WWTR1: variants seen among roughly 807,000 people sequenced by gnomAD.
WWTR1 encodes WW domain-containing transcription regulator protein 1.
WWTR1 carries 13 observed loss-of-function variants against 40.1 expected under a neutral mutation model. The ratio of observed to expected loss-of-function variants is 0.32; its 90% CI spans 0.21 to 0.52. The LOEUF (loss-of-function observed/expected upper bound fraction) is 0.52. Ranked by LOEUF, WWTR1 falls within the 20% of genes least tolerant of loss-of-function variation. WWTR1 has a pLI of 0.97. For synonymous variants in WWTR1, 230 were observed against 210.1 expected (o/e 1.09, Z -0.82); for missense variants, 436 against 523.1 (o/e 0.83, Z 1.63).
At chr3:149,665,029 T>C (rs1053105842) in intron 2 of WWTR1, among the ~76,000 whole-genome samples, 13 of 152,180 alleles carry the variant, frequency 8.5e-5, no homozygotes. Flanking sequence ...TGCTATCATT[T>C]TGGGGCAAGG....
intron 2 of WWTR1, among the ~76,000 whole-genome samples, chr3:149,641,067 T>G (rs1712144268): frequency 6.6e-6 from 1 of 152,104 alleles, no homozygotes; most frequent in African/African-American, 2.4e-5. Context: ...GCATTCGATA[T>G]TATTTATTAT....
chr3:149,669,129 T>C (rs1713964564), intron 2 of WWTR1, among the ~76,000 whole-genome samples: 1 of 152,176 alleles, frequency 6.6e-6, no homozygotes, highest in Non-Finnish European at 1.5e-5. Flanking sequence ...GGTTTTGTTT[T>C]TGTGGAACAA....
chr3:149,550,919 GTT>G lies in WWTR1; in HGVS notation c.569-8384_569-8383del, dbSNP rs112937949. Among the ~76,000 whole-genome samples, 2 of 138,248 alleles carry G rather than the reference GTT, an allele frequency of 1.4e-5. 1 individual carries two copies. Among genetic ancestry groups the G allele is most frequent in the Non-Finnish European group, 3.1e-5 (2 of 63,850 alleles). 90.7% of individuals were successfully genotyped at this position (138,248 alleles called of 152,430 possible). ...TATATTCCAAATTATCTATCTTTTA[GTT>G]TTTTTTTTTCTTTAAAAAGCTTGCT... On this transcript the variant is annotated intron_variant, in intron 3 of 6. Transcript: ENST00000360632.
chr3:149,536,219 A>G (rs1272648611), intron 4 of WWTR1, among the ~76,000 whole-genome samples: 1 of 152,156 alleles, frequency 6.6e-6, no homozygotes, highest in Non-Finnish European at 1.5e-5. Context: ...AGCATTTGTA[A>G]AACAAATATA....
Position 149,517,964 on chromosome 3 carries a change from A to C in WWTR1, c.*2841T>G, listed in dbSNP as rs1734865894. 6.6e-6 allele frequency: 1 copy of C among 152,180 alleles called. No homozygotes were observed. Among genetic ancestry groups the C allele is most frequent in the Admixed American group, 6.5e-5 (1 of 15,274 alleles). The allele number at this position is 152,180 out of a possible 1,614,324, so 9.4% of individuals were successfully genotyped here. On this transcript the variant is annotated 3_prime_UTR_variant, in exon 7 of 7. Transcript: ENST00000360632. ...AAAAGACTAGTACTAAGAAGACTAA[A>C]GACAGTTATCTTATAATAAGAAATA...
intron 2 of WWTR1, among the ~76,000 whole-genome samples, chr3:149,601,442 C>A (rs1290469748): frequency 6.6e-6 from 1 of 152,226 alleles, no homozygotes; most frequent in Non-Finnish European, 1.5e-5. Context: ...AAGTGATCCA[C>A]CTGCCTCAGC....
chr3:149,652,130 A>C (rs1374935018), intron 2 of WWTR1, among the ~76,000 whole-genome samples: 1 of 151,106 alleles, frequency 6.6e-6, no homozygotes, highest in Non-Finnish European at 1.5e-5. Flanking sequence ...GGCATGAGCC[A>C]CTGCGCCCGG....
At chr3:149,710,466 C>G (rs1465438410) in intron 5 of WWTR1, among the ~76,000 whole-genome samples, 1 of 149,844 alleles carries the variant, frequency 6.7e-6, no homozygotes, top group African/African-American at 2.5e-5. Context: ...CTTTGGTTTT[C>G]TCATGTGTAA....
intron 3 of WWTR1, among the ~76,000 whole-genome samples, chr3:149,568,156 T>C (rs1737421586): frequency 6.6e-6 from 1 of 152,044 alleles, no homozygotes; most frequent in Non-Finnish European, 1.5e-5. Flanking sequence ...GAGGCTGAGA[T>C]GGGCGGATTG....
intron 1 of WWTR1, chr3:149,701,759 G>A (rs1043583017): frequency 4.6e-5 from 8 of 173,654 alleles, no homozygotes; most frequent in African/African-American, 1.4e-4. Context: ...AAGTTGAAGC[G>A]CTCTCAGATG....
chr3:149,701,778 G>A (rs1236154240), intron 1 of WWTR1: 1 of 173,900 alleles, frequency 5.8e-6, no homozygotes, highest in African/African-American at 2.4e-5. Flanking sequence ...TGTTTGGGGG[G>A]AAACATCCTC....
At chr3:149,724,245 G>A (rs1362206705) in intron 3 of WWTR1, 2 of 152,038 alleles carry the variant, frequency 1.3e-5, no homozygotes, top group African/African-American at 4.8e-5. Context: ...ATGATATAAT[G>A]AATCCCTGTG....
At chr3:149,561,730 A>G (rs1327416195) in intron 3 of WWTR1, among the ~76,000 whole-genome samples, 1 of 152,252 alleles carries the variant, frequency 6.6e-6, no homozygotes, top group Non-Finnish European at 1.5e-5. Context: ...TGAACAAATC[A>G]GTAAGTACTA....
Position 149,723,034 on chromosome 3 carries a change from A to AT in WWTR1, n.459+1045dup, listed in dbSNP as rs202120110. On this transcript the variant is annotated intron_variant and non_coding_transcript_variant, in intron 4 of 6. Transcript: ENST00000474080. ...TCTCTTTTAGGGACAATTTCTTGTT[A>AT]TTTTTTTTCCCCCTTTAACCAAGCC... is the stretch of plus-strand genomic sequence containing the variant. 9.8e-3 allele frequency among the ~76,000 whole-genome samples: 1,477 copies of AT among 150,524 alleles called. 17 individuals carry two copies. The highest frequency in any genetic ancestry group is 0.034 in the African/African-American group (1,390 of 40,914).
At chr3:149,645,291 G>T (rs976678371) in intron 2 of WWTR1, among the ~76,000 whole-genome samples, 3 of 151,898 alleles carry the variant, frequency 2.0e-5, no homozygotes, top group Admixed American at 2.0e-4. Flanking sequence ...GTGTTAGCCA[G>T]GATGGTCTTG....
chr3:149,533,626 C>T (rs1021630012), intron 4 of WWTR1, among the ~76,000 whole-genome samples: 2 of 152,106 alleles, frequency 1.3e-5, no homozygotes, highest in African/African-American at 2.4e-5. Flanking sequence ...AGCTTGGCAC[C>T]GAAAAGGCAG....
intron 2 of WWTR1, among the ~76,000 whole-genome samples, chr3:149,623,930 T>A (rs1303614248): frequency 6.6e-6 from 1 of 152,178 alleles, no homozygotes; most frequent in African/African-American, 2.4e-5. Context: ...TGCTTAGCTC[T>A]CCAGCCAGGC....
chr3:149,667,359 A>G (rs1455255604), intron 2 of WWTR1, among the ~76,000 whole-genome samples: 1 of 152,022 alleles, frequency 6.6e-6, no homozygotes, highest in Non-Finnish European at 1.5e-5. Flanking sequence ...CATCCTGGCT[A>G]ACATGGTGAA....
At chr3:149,571,199 A>AT (rs1191901470) in intron 3 of WWTR1, among the ~76,000 whole-genome samples, 1 of 137,794 alleles carries the variant, frequency 7.3e-6, no homozygotes, top group Non-Finnish European at 1.6e-5. Flanking sequence ...AAGTGTTTGA[A>AT]TTTTTTTTTC....
Sources: allele counts gnomAD v4.1 joint callset (sites outside exome capture counted in the v4.1 genomes callset), GRCh38; gene constraint gnomAD v4.1.1; transcripts MANE v1.5; gene names NCBI Gene and HGNC (gene_info 2026-07-23, HGNC 2026-07-21).